LRRC25: variants seen among roughly 807,000 people sequenced by gnomAD.
The protein encoded by LRRC25 is leucine rich repeat containing 25, also known as leucine-rich repeat-containing protein 25.
A neutral mutation model predicts 18.8 loss-of-function variants in LRRC25; 5 were observed. The ratio of observed to expected loss-of-function variants is 0.27; its 90% CI spans 0.14 to 0.56. LRRC25 has a LOEUF of 0.56. LRRC25 is among the 20% of genes least tolerant of loss of function. The probability of loss-of-function intolerance (pLI) is 0.93; values close to 1 mark genes in which losing one functional copy is unlikely to be tolerated. For missense variants in LRRC25, 341 were observed against 389.8 expected (o/e 0.87, Z 1.05); for synonymous variants, 161 against 176.8 (o/e 0.91, Z 0.71).
intron 1 of LRRC25, 88 bp downstream of exon 1, chr19:18,396,097 G>A: frequency 6.8e-7 from 1 of 1,468,596 alleles, no homozygotes; most frequent in Non-Finnish European, 9.2e-7. Context: ...CAGCCTTCAA[G>A]CGGCAGAGCT....
chr19:18,395,370 C>CAAAAAAAAAAAAAAA (rs11334806), intron 1 of LRRC25, among the ~76,000 whole-genome samples: 1 of 105,698 alleles, frequency 9.5e-6, no homozygotes. Flanking sequence ...GACTCCATCT[C>CAAAAAAAAAAAAAAA]AAAAAAAAAA....
Position 18,396,853 on chromosome 19 carries a change from C to G in LRRC25, c.111G>C (p.Glu37Asp), listed in dbSNP as rs200706422. Residue 37 changes from glutamate (E) to aspartate (D), a missense_variant, in exon 1 of 2, where the codon GAG becomes GAC. Glu to Asp is a conservative substitution (Grantham distance 45). Coordinates refer to ENST00000339007, the MANE Select transcript of LRRC25 (RefSeq NM_145256.3). ...TGAAATTCAGGCACGTGGCACTGAA[C>G]TCCGCGTTCCAGTCCACATCCGCGG... Reference protein sequence around the residue: ...VSSADVDWNAEFSATCLNFSG... With the variant: ...VSSADVDWNADFSATCLNFSG... 6.2e-7 allele frequency: 1 copy of G among 1,613,924 alleles called. No individual in the cohort carries two copies. The highest frequency in any genetic ancestry group is 2.2e-5 in the East Asian group (1 of 44,882).
intron 1 of LRRC25, among the ~76,000 whole-genome samples, chr19:18,393,235 T>C (rs551677572): frequency 2.2e-4 from 33 of 152,308 alleles, no homozygotes; most frequent in African/African-American, 7.5e-4. Context: ...AAGGAGCAGG[T>C]AGCTACTTAG....
intron 1 of LRRC25, among the ~76,000 whole-genome samples, chr19:18,395,867 C>G (rs948122809): frequency 1.3e-5 from 2 of 152,106 alleles, no homozygotes; most frequent in African/African-American, 4.8e-5. Context: ...ACCACAGGCG[C>G]CCGCCACCAC....
intron 1 of LRRC25, among the ~76,000 whole-genome samples, chr19:18,393,895 C>A (rs1600255325): frequency 1.3e-5 from 2 of 152,172 alleles, no homozygotes; most frequent in African/African-American, 4.8e-5. Context: ...GAGGCTGATC[C>A]GGAAGCCTCG....
At position 18,397,292 on chromosome 19, in the gene LRRC25, T is replaced by C; in HGVS notation, c.-329A>G. 3.1e-6 allele frequency: 1 copy of C among 324,160 alleles called. No homozygotes were observed. The highest frequency in any genetic ancestry group is 2.1e-5 in the African/African-American group (1 of 48,334). The allele number at this position is 324,160 out of a possible 1,614,324, so 20.1% of individuals were successfully genotyped here. A position where few individuals can be genotyped will look rare whatever the true frequency, so the allele number is the denominator to read the frequency against. On this transcript the variant is annotated 5_prime_UTR_variant, in exon 1 of 2. Coordinates refer to ENST00000339007, the MANE Select transcript of LRRC25 (RefSeq NM_145256.3). ...GACCCTATGCAAATAAGCGGTTGCC[T>C]TGGAAACGGCCCCGCCCCCTGATCA...
Position 18,397,092 on chromosome 19 carries a change from G to A in LRRC25, c.-129C>T. 9 of 1,030,786 alleles carry A rather than the reference G, an allele frequency of 8.7e-6. No individual in the cohort carries two copies. The highest frequency in any genetic ancestry group is 1.2e-5 in the Non-Finnish European group (9 of 726,878). The allele number at this position is 1,030,786 out of a possible 1,614,324, so 63.9% of individuals were successfully genotyped here. A position where few individuals can be genotyped will look rare whatever the true frequency, so the allele number is the denominator to read the frequency against. ...CAAGCCGCTTCTGAAATGGTAAAAC[G>A]CAGCCCCAGTCTGGTCGCCTCCTTT... On this transcript the variant is annotated 5_prime_UTR_variant, in exon 1 of 2. Transcript: ENST00000339007.
At position 18,392,141 on chromosome 19, in the gene LRRC25, G is replaced by T; in HGVS notation, c.780-16C>A. On this transcript the variant is annotated splice_polypyrimidine_tract_variant and intron_variant, in intron 1 of 1. Transcript: ENST00000339007. ...AGGGTGAGCCCTGGGGGGACAGACA[G>T]ACCAGGGGTAAGTGTGGGAGGGGGA... 1.9e-6 allele frequency: 3 copies of T among 1,611,780 alleles called. No homozygotes were observed. In the South Asian group the frequency reaches 3.3e-5, roughly 18 times the overall value.
At position 18,396,377 on chromosome 19, in the gene LRRC25, G is replaced by C. The variant is rs771370493; in HGVS notation, c.587C>G (p.Ala196Gly). 1 of 1,613,580 alleles carries C rather than the reference G, an allele frequency of 6.2e-7. No homozygotes were observed. The highest frequency in any genetic ancestry group is 8.5e-7 in the Non-Finnish European group (1 of 1,179,988). Reference protein sequence around the residue: ...LAWRLWRCRVARSRELNKPWA... With the variant: ...LAWRLWRCRVGRSRELNKPWA... ...GGGTTTGTTCAGCTCCCGGCTTCTG[G>C]CCACTCGGCATCGCCAGAGTCTCCA... The change falls in exon 1 of 2, where the codon GCC (alanine) becomes GGC (glycine). Residue 196 changes from alanine to glycine, a missense_variant. Transcript: ENST00000339007.
At position 18,396,581 on chromosome 19, in the gene LRRC25, C is replaced by T. The variant is rs1971972673; in HGVS notation, c.383G>A (p.Arg128Gln). 1 of 1,613,812 alleles carries T rather than the reference C, an allele frequency of 6.2e-7. No homozygotes were observed. Among genetic ancestry groups the T allele is most frequent in the Non-Finnish European group, 8.5e-7 (1 of 1,180,040 alleles). Residue 128 changes from arginine to glutamine, a missense_variant, in exon 1 of 2, where the codon CGA becomes CAA. Arg to Gln is a conservative substitution (Grantham distance 43). Coordinates refer to ENST00000339007, the MANE Select transcript of LRRC25 (RefSeq NM_145256.3). ...AGGCTTCTGGCCAGAGCAGTTGTCT[C>T]GGCGGATGTCGTGCCAGGACTCCAG... ...CALESWHDIR[R>Q]DNCSGQKPLL...
intron 1 of LRRC25, among the ~76,000 whole-genome samples, chr19:18,392,574 G>C (rs569200525): frequency 6.6e-6 from 1 of 152,158 alleles, no homozygotes; most frequent in Non-Finnish European, 1.5e-5. Context: ...ACGGGCTAGC[G>C]TTCTGACTCC....
chr19:18,397,283 G>C lies in LRRC25; in HGVS notation c.-320C>G, dbSNP rs373269116. On this transcript the variant is annotated 5_prime_UTR_variant, in exon 1 of 2. Coordinates refer to ENST00000339007, the MANE Select transcript of LRRC25 (RefSeq NM_145256.3). The stretch of plus-strand genomic sequence containing the variant: ...CCAGGACGGGACCCTATGCAAATAA[G>C]CGGTTGCCTTGGAAACGGCCCCGCC... 6.6e-5 allele frequency: 23 copies of C among 346,666 alleles called. No homozygotes were observed. Among genetic ancestry groups the C allele is most frequent in the African/African-American group, 4.3e-4 (21 of 49,024 alleles). 21.5% of individuals were successfully genotyped at this position (346,666 alleles called of 1,614,324 possible). A position where few individuals can be genotyped will look rare whatever the true frequency, so the allele number is the denominator to read the frequency against.
rs1393650711 is a variant in LRRC25, at chr19:18,391,920, T to A, written c.*67A>T. Reference sequence around the variant, plus strand: ...TGGGGAAACTGAGGCCATGGAGGCGTTAGGACGCCCTGAGTCACCCAGCAG... The same window carrying A: ...TGGGGAAACTGAGGCCATGGAGGCGATAGGACGCCCTGAGTCACCCAGCAG... On this transcript the variant is annotated 3_prime_UTR_variant, in exon 2 of 2. Coordinates refer to ENST00000339007, the MANE Select transcript of LRRC25 (RefSeq NM_145256.3). 25 of 1,551,320 alleles carry A rather than the reference T, an allele frequency of 1.6e-5. No homozygotes were observed. The highest frequency in any genetic ancestry group is 2.2e-5 in the Non-Finnish European group (25 of 1,138,698).
At position 18,391,860 on chromosome 19, in the gene LRRC25, T is replaced by A; in HGVS notation, c.*127A>T. 1 of 1,216,496 alleles carries A rather than the reference T, an allele frequency of 8.2e-7. No homozygotes were observed. The highest frequency in any genetic ancestry group is 1.1e-6 in the Non-Finnish European group (1 of 877,496). 75.4% of individuals were successfully genotyped at this position (1,216,496 alleles called of 1,614,324 possible). The stretch of plus-strand genomic sequence containing the variant: ...GGGGGCGGCAGAGCTTCCTGGGGCC[T>A]CAAGGACAATCCTTTCCTGTACCCA... On this transcript the variant is annotated 3_prime_UTR_variant, in exon 2 of 2. Coordinates refer to ENST00000339007, the MANE Select transcript of LRRC25 (RefSeq NM_145256.3).
In LRRC25 at chr19:18,394,328, C is replaced by T. The variant is rs542639374; in HGVS notation, c.779+1857G>A. On this transcript the variant is annotated intron_variant, in intron 1 of 1. Coordinates refer to ENST00000339007, the MANE Select transcript of LRRC25 (RefSeq NM_145256.3). ...TCTTTCTTTTTTTTTTTTTTTGAGACGGAGTCTCGCTCTGTCGCCCAGGCT... is the reference window on the plus strand; with the variant it reads ...TCTTTCTTTTTTTTTTTTTTTGAGATGGAGTCTCGCTCTGTCGCCCAGGCT... Among the ~76,000 whole-genome samples the T allele has an allele frequency of 2.4e-3, 323 of 136,758 alleles. 2 individuals carry two copies. The highest frequency in any genetic ancestry group is 8.8e-3 in the African/African-American group (309 of 35,230). 89.7% of individuals were successfully genotyped at this position (136,758 alleles called of 152,430 possible).
chr19:18,393,650 A>G (rs1488330052), intron 1 of LRRC25, among the ~76,000 whole-genome samples: 1 of 151,674 alleles, frequency 6.6e-6, no homozygotes. Context: ...TGTTAACAGC[A>G]TCTATCAGTC....
intron 1 of LRRC25, among the ~76,000 whole-genome samples, chr19:18,392,851 G>A (rs1034871339): frequency 2.0e-5 from 3 of 151,808 alleles, no homozygotes; most frequent in Non-Finnish European, 2.9e-5. Flanking sequence ...TTATTCAGGC[G>A]TGGTGACGTG....
At chr19:18,395,761 C>G (rs1026863190) in intron 1 of LRRC25, among the ~76,000 whole-genome samples, 4 of 152,144 alleles carry the variant, frequency 2.6e-5, no homozygotes, top group African/African-American at 9.7e-5. Context: ...CACTCTGTCA[C>G]CCAGGCTGGA....
rs1312856746 is a variant in LRRC25 at position 18,391,373 on chromosome 19, T to C, written c.*614A>G. 2 of 152,670 alleles carry C rather than the reference T, an allele frequency of 1.3e-5. No homozygotes were observed. The highest frequency in any genetic ancestry group is 2.9e-5 in the Non-Finnish European group (2 of 68,346). 9.5% of individuals were successfully genotyped at this position (152,670 alleles called of 1,614,324 possible). ...GGCCAACATGGCGAAACCCCATCTC[T>C]ATTATAAATACAAAAATTAGCTCGG... On this transcript the variant is annotated 3_prime_UTR_variant, in exon 2 of 2. Transcript: ENST00000339007.
Sources: allele counts gnomAD v4.1 joint callset (sites outside exome capture counted in the v4.1 genomes callset), GRCh38; gene constraint gnomAD v4.1.1; transcripts MANE v1.5; gene names NCBI Gene and HGNC (gene_info 2026-07-23, HGNC 2026-07-21).